Variants in ZNF222 observed in about 807,000 individuals in gnomAD.
ZNF222 encodes zinc finger protein 222.
A neutral mutation model predicts 11.6 loss-of-function variants in ZNF222; 8 were observed. That is an observed-to-expected ratio of 0.69 (90% CI 0.41 to 1.25). ZNF222 has a LOEUF of 1.25. Among genes scored for constraint, ZNF222 ranks in the 50% most tolerant of loss-of-function variants. The pLI, the probability that ZNF222 is intolerant of heterozygous loss-of-function variation, is 0.01. For synonymous variants in ZNF222, 171 were observed against 195.6 expected, an observed-to-expected ratio of 0.87 and a Z score of 1.05; for missense variants, 483 against 576.1, an observed-to-expected ratio of 0.84 and a Z score of 1.65.
chr19:44,025,937 A>G lies in ZNF222; in HGVS notation c.42+459A>G. On this transcript the variant is annotated intron_variant, in intron 1 of 3. Transcript: ENST00000391960. The surrounding 1 kb of genome is among the most constrained non-coding windows in gnomAD (Gnocchi z 4.6). ...GCTGGATGATCCCTGACGCCTTCTG[A>G]CCTCTTTTTAGGAAAGTGAGGGGAG... 7.4e-7 allele frequency: 1 copy of G among 1,350,180 alleles called. No individual in the cohort carries two copies. 83.6% of individuals were successfully genotyped at this position (1,350,180 alleles called of 1,614,324 possible).
At chr19:44,026,086 C>T (rs758838810) in intron 1 of ZNF222, 4 of 1,613,554 alleles carry the variant, frequency 2.5e-6, no homozygotes, top group East Asian at 4.5e-5. Flanking sequence ...CAAAGCTCTA[C>T]GTGAGTGATC....
In ZNF222 at chr19:44,032,773, A is replaced by G. The variant is rs760824391; in HGVS notation, c.1219A>G (p.Arg407Gly). ...CCACCATAGAACCCACACGGGAGAG[A>G]GATCTTATAACTGTGATAACTGCGG... ...DFHHRTHTGE[R>G]SYNCDNCGKS... Residue 407 changes from arginine to glycine, a missense_variant, in exon 4 of 4, where the codon AGA becomes GGA. Coordinates refer to ENST00000391960, the MANE Select transcript of ZNF222 (RefSeq NM_001129996.2). 1 of 1,614,180 alleles carries G rather than the reference A, an allele frequency of 6.2e-7. No individual in the cohort carries two copies. The highest frequency in any genetic ancestry group is 1.1e-5 in the South Asian group (1 of 91,088).
intron 3 of ZNF222, among the ~76,000 whole-genome samples, 172 bp downstream of exon 3, chr19:44,027,662 A>G (rs1033274820): frequency 7.4e-6 from 1 of 135,640 alleles, no homozygotes; most frequent in African/African-American, 2.7e-5. Context: ...TTCTTACGGT[A>G]GCCAAAGTGA....
rs898347628 is a variant in ZNF222 at position 44,026,960 on chromosome 19, A to G, written c.43-63A>G. Reference sequence around the variant, plus strand: ...TACACTTGTCCCTTGTGCCAGTGCAATGCTGCTGTCTCCCAATAGTCTTTG... The same window carrying G: ...TACACTTGTCCCTTGTGCCAGTGCAGTGCTGCTGTCTCCCAATAGTCTTTG... On this transcript the variant is annotated intron_variant, in intron 1 of 3. Transcript: ENST00000391960. 3.7e-6 allele frequency: 6 copies of G among 1,607,140 alleles called. No homozygotes were observed. The Admixed American group carries it at 6.7e-5, about 18-fold the overall frequency.
intron 1 of ZNF222, chr19:44,026,167 G>T: frequency 7.1e-7 from 1 of 1,410,730 alleles, no homozygotes. Context: ...CTCGGGCATG[G>T]GTGTCGATAA....
chr19:44,031,626 G>T (rs1976501488), intron 3 of ZNF222, among the ~76,000 whole-genome samples, 191 bp from the exon 4 acceptor site: 1 of 151,654 alleles, frequency 6.6e-6, no homozygotes. Context: ...GGGATTACAG[G>T]TGTGTGCCAC....
At chr19:44,029,181 G>GTTTTT (rs142571594) in intron 3 of ZNF222, among the ~76,000 whole-genome samples, 9 of 113,696 alleles carry the variant, frequency 7.9e-5, no homozygotes, top group Admixed American at 2.6e-4. Context: ...TTGTTGGTTT[G>GTTTTT]TTTTGTTTTG....
rs762357940 is a variant in ZNF222 at position 44,025,617 on chromosome 19, C to A, written c.42+139C>A. 1.1e-5 allele frequency: 9 copies of A among 833,034 alleles called. No homozygotes were observed. The highest frequency in any genetic ancestry group is 2.9e-5 in the Admixed American group (1 of 34,300). 51.6% of individuals were successfully genotyped at this position (833,034 alleles called of 1,614,324 possible). ...TTGACCTCGCTTAGTCCGCCTCCCTCCTCCCTACGTGTGCAGCCCCTTTCA... is the reference window on the plus strand; with the variant it reads ...TTGACCTCGCTTAGTCCGCCTCCCTACTCCCTACGTGTGCAGCCCCTTTCA... On this transcript the variant is annotated intron_variant, in intron 1 of 3. Transcript: ENST00000391960. The surrounding 1 kb of genome is among the most constrained non-coding windows in gnomAD (Gnocchi z 4.6).
At chr19:44,026,070 T>G in intron 1 of ZNF222, 1 of 1,613,796 alleles carries the variant, frequency 6.2e-7, no homozygotes, top group Non-Finnish European at 8.5e-7. Context: ...TCTTGGCTAC[T>G]GATGGCAAAG....
At chr19:44,029,191 GT>G (rs1171435860) in intron 3 of ZNF222, among the ~76,000 whole-genome samples, 1,074 of 61,940 alleles carry the variant, frequency 0.017, 7 homozygotes, top group African/African-American at 0.063. Flanking sequence ...GTTTTGTTTT[GT>G]TTTTTTTTTT....
At chr19:44,026,116 CAG>C in intron 1 of ZNF222, 2 of 1,609,116 alleles carry the variant, frequency 1.2e-6, no homozygotes. Flanking sequence ...TTTTCTTTGA[CAG>C]AGATGCTTAC....
chr19:44,026,553 TA>T lies in ZNF222; in HGVS notation c.43-469del, dbSNP rs1377238053. On this transcript the variant is annotated intron_variant, in intron 1 of 3. Transcript: ENST00000391960. ...TTCTCTCTCTCTCTCTATATATATATATATTTTTTTTTTTACAGAGTTTCGC... is the reference window on the plus strand; with the variant it reads ...TTCTCTCTCTCTCTCTATATATATATTATTTTTTTTTTTACAGAGTTTCGC... Among the ~76,000 whole-genome samples, 588 of 129,672 alleles carry T rather than the reference TA, an allele frequency of 4.5e-3. 3 individuals carry two copies. Among genetic ancestry groups the T allele is most frequent in the African/African-American group, 0.015 (388 of 25,622 alleles). 85.1% of individuals were successfully genotyped at this position (129,672 alleles called of 152,430 possible). A position where few individuals can be genotyped will look rare whatever the true frequency, so the allele number is the denominator to read the frequency against.
chr19:44,028,529 G>A (rs959203573), intron 3 of ZNF222: 13 of 334,558 alleles, frequency 3.9e-5, no homozygotes, highest in Middle Eastern at 7.7e-4. Flanking sequence ...TCGTCTCCAA[G>A]CACCTTATTG....
chr19:44,032,123 G>A lies in ZNF222; in HGVS notation c.569G>A (p.Cys190Tyr). Residue 190 changes from cysteine (C) to tyrosine (Y), a missense_variant, in exon 4 of 4, where the codon TGT (cysteine) becomes TAT (tyrosine). Transcript: ENST00000391960. Reference protein sequence around the residue: ...SGEKSHTCDECGKSFCYISAL... With the variant: ...SGEKSHTCDEYGKSFCYISAL... ...GAGAAGTCTCATACCTGTGATGAGTGTGGAAAAAGCTTCTGTTACATCTCA... is the reference window on the plus strand; with the variant it reads ...GAGAAGTCTCATACCTGTGATGAGTATGGAAAAAGCTTCTGTTACATCTCA... 6.2e-7 allele frequency: 1 copy of A among 1,614,238 alleles called. No homozygotes were observed. The highest frequency in any genetic ancestry group is 1.1e-5 in the South Asian group (1 of 91,086).
rs199727616 is a variant in ZNF222, at chr19:44,032,356, C to G, written c.802C>G (p.Pro268Ala). Reference sequence around the variant, plus strand: ...TTGCAAATTACACATGAGAGAGAAACCTTATAATTGTGAGAAATGTGGGAA... The same window carrying G: ...TTGCAAATTACACATGAGAGAGAAAGCTTATAATTGTGAGAAATGTGGGAA... ...VHCKLHMREK[P>A]YNCEKCGKAF... The change falls in exon 4 of 4, where the codon CCT (proline) becomes GCT (alanine). Residue 268 changes from proline (P) to alanine (A), a missense_variant. Transcript: ENST00000391960. 2.3e-4 allele frequency: 364 copies of G among 1,614,054 alleles called. No homozygotes were observed. The highest frequency in any genetic ancestry group is 2.6e-4 in the Non-Finnish European group (307 of 1,180,012).
At chr19:44,026,554 A>T (rs984125054) in intron 1 of ZNF222, among the ~76,000 whole-genome samples, 326 of 129,526 alleles carry the variant, frequency 2.5e-3, no homozygotes, top group African/African-American at 0.011. Flanking sequence ...ATATATATAT[A>T]TATTTTTTTT....
chr19:44,032,738 G>T lies in ZNF222; in HGVS notation c.1184G>T (p.Gly395Val). The T allele has an allele frequency of 6.2e-7, 1 of 1,614,086 alleles. No homozygotes were observed. Among genetic ancestry groups the T allele is most frequent in the Admixed American group, 1.7e-5 (1 of 60,014 alleles). ...GGGAAGGGCTACATTAGTAAGTCAGGTCTTGACTTCCACCATAGAACCCAC... is the reference window on the plus strand; with the variant it reads ...GGGAAGGGCTACATTAGTAAGTCAGTTCTTGACTTCCACCATAGAACCCAC... ...ECGKGYISKS[G>V]LDFHHRTHTG... The change falls in exon 4 of 4, where the codon GGT (glycine) becomes GTT (valine). Residue 395 changes from glycine (G) to valine (V), a missense_variant. Transcript: ENST00000391960.
Sources: gnomAD v4.1 joint callset for allele counts (sites outside exome capture counted in the v4.1 genomes callset) on GRCh38, gnomAD v4.1.1 for gene constraint, Gnocchi (gnomAD v3.1) non-coding constraint, MANE v1.5 for transcripts, NCBI Gene and HGNC (gene_info 2026-07-23, HGNC 2026-07-21) for gene names.